The following EXTL3 variants were observed in gnomAD, a reference collection of about 807,000 sequenced individuals.
EXTL3 encodes exostosin-like 3.
A neutral mutation model predicts 69.3 loss-of-function variants in EXTL3; 27 were observed. The ratio of observed to expected loss-of-function variants is 0.39; its 90% CI spans 0.29 to 0.54. EXTL3 has a LOEUF of 0.54. Among genes scored for constraint, EXTL3 ranks in the 20% least tolerant of loss-of-function variants. EXTL3 has a pLI of 0.69. For synonymous variants in EXTL3, 511 were observed against 499.4 expected, an observed-to-expected ratio of 1.02 and a Z score of -0.31; for missense variants, 1,003 against 1,231.8, an observed-to-expected ratio of 0.81 and a Z score of 2.78.
intron 5 of EXTL3, chr8:28,741,306 A>C (rs1563223938): frequency 6.6e-6 from 1 of 152,228 alleles, no homozygotes; most frequent in East Asian, 1.9e-4. Context: ...ATTAAAAGGC[A>C]GTTCTTATTG....
intron 1 of EXTL3, among the ~76,000 whole-genome samples, chr8:28,672,829 C>T (rs1807318510): frequency 6.6e-6 from 1 of 152,182 alleles, no homozygotes; most frequent in Non-Finnish European, 1.5e-5. Context: ...ATCCAAATCT[C>T]ATCTTGAATT....
chr8:28,695,271 G>A (rs1800669202), intron 1 of EXTL3, among the ~76,000 whole-genome samples: 1 of 151,864 alleles, frequency 6.6e-6, no homozygotes, highest in Admixed American at 6.6e-5. Context: ...TGGGATTACA[G>A]GCACCCACCA....
chr8:28,715,426 AAAC>A (rs1563213992), intron 2 of EXTL3, among the ~76,000 whole-genome samples, 156 bp from the exon 3 acceptor site: 1 of 152,236 alleles, frequency 6.6e-6, no homozygotes, highest in African/African-American at 2.4e-5. Flanking sequence ...ACCAAACAGC[AAAC>A]AACATCTCTG....
chr8:28,643,426 C>CTTTTTTTTTT (rs138680672), intron 1 of EXTL3, among the ~76,000 whole-genome samples: 42,906 of 143,086 alleles, frequency 0.3, 7,097 homozygotes, highest in African/African-American at 0.39. Context: ...TTCTTTTTTT[C>CTTTTTTTTTT]TTTTTTGAGA....
At chr8:28,626,525 T>C (rs921135472) in intron 1 of EXTL3, among the ~76,000 whole-genome samples, 8 of 152,208 alleles carry the variant, frequency 5.3e-5, no homozygotes, top group Non-Finnish European at 1.0e-4. Context: ...TCAGCTTTCT[T>C]AGACATGATT....
In EXTL3 at chr8:28,635,045, G is replaced by A. The variant is rs190232675; in HGVS notation, c.-53+12235G>A. Among the ~76,000 whole-genome samples the A allele has an allele frequency of 4.6e-5, 7 of 152,158 alleles. No individual in the cohort carries two copies. In the East Asian group the frequency reaches 1.4e-3, roughly 29 times the overall value. ...CTCCTGGACCATGGTAACCTGGAGT[G>A]TGTGAAGGCTGTAAATGAGGATGAG... is the stretch of plus-strand genomic sequence containing the variant. On this transcript the variant is annotated intron_variant, in intron 1 of 6. Transcript: ENST00000523149.
intron 1 of EXTL3, among the ~76,000 whole-genome samples, chr8:28,702,957 CAG>C (rs1325281591): frequency 7.2e-5 from 11 of 152,326 alleles, no homozygotes; most frequent in Admixed American, 2.0e-4. Context: ...CTGCGGGGCA[CAG>C]AGTCTGGAGC....
rs1422298192 is a variant in EXTL3, at chr8:28,610,462, C to T, written n.314+2704C>T. Among the ~76,000 whole-genome samples the T allele has an allele frequency of 2.6e-5, 4 of 152,244 alleles. No individual in the cohort carries two copies. The East Asian group carries it at 5.8e-4, about 22-fold the overall frequency. ...TGACCTAGTCCTGGCAAATACACTA[C>T]CTGTGGTTGTCATTTGGACCAGAGG... On this transcript the variant is annotated intron_variant and non_coding_transcript_variant, in intron 2 of 4. Coordinates refer to the EXTL3 transcript ENST00000522725.
intron 1 of EXTL3, among the ~76,000 whole-genome samples, chr8:28,642,698 C>T (rs1436348149): frequency 6.6e-6 from 1 of 152,032 alleles, no homozygotes; most frequent in Non-Finnish European, 1.5e-5. Context: ...TTGACCTATT[C>T]CAAAAGGAAA....
chr8:28,668,186 G>A (rs576754928), intron 1 of EXTL3, among the ~76,000 whole-genome samples: 123 of 149,558 alleles, frequency 8.2e-4, no homozygotes, highest in African/African-American at 2.9e-3. Context: ...AGGATTGCTC[G>A]AGCCCAGGAG....
Position 28,717,191 on chromosome 8 carries a change from C to G in EXTL3, c.1132C>G (p.Arg378Gly), listed in dbSNP as rs138851422. ...EGDPPADYDD[R>G]IIATLKAVQD... ...CGACCCTCCCGCCGACTACGATGAC[C>G]GGATCATTGCCACCCTGAAGGCGGT... Residue 378 changes from arginine to glycine, a missense_variant, in exon 3 of 7, where the codon CGG (arginine) becomes GGG (glycine). Transcript: ENST00000220562. This position sits in a 1 kb window ranked among gnomAD's most constrained non-coding sequence, Gnocchi z 8.3. 6.2e-7 allele frequency: 1 copy of G among 1,614,232 alleles called. No homozygotes were observed.
At chr8:28,722,292 T>C (rs1801306991) in intron 3 of EXTL3, among the ~76,000 whole-genome samples, 1 of 152,182 alleles carries the variant, frequency 6.6e-6, no homozygotes, top group African/African-American at 2.4e-5. Flanking sequence ...TTGGAGGGTG[T>C]TGAGCAGAGG....
intron 1 of EXTL3, among the ~76,000 whole-genome samples, chr8:28,632,914 G>A (rs752448848): frequency 2.0e-4 from 30 of 152,002 alleles, no homozygotes; most frequent in African/African-American, 7.0e-4. Flanking sequence ...GAAGATGCTC[G>A]GCAGATGGTA....
At chr8:28,616,351 C>T (rs1490215378) in intron 2 of EXTL3, among the ~76,000 whole-genome samples, 1 of 152,146 alleles carries the variant, frequency 6.6e-6, no homozygotes, top group Non-Finnish European at 1.5e-5. Context: ...ACGTTCCAGG[C>T]ACAGTGGCTC....
At position 28,713,438 on chromosome 8, in the gene EXTL3, G is replaced by GTTT; in HGVS notation, c.-569-10_-569-8dup. The stretch of plus-strand genomic sequence containing the variant: ...TGTCACTGTTCTATTTTTGTTTTTT[G>GTTT]TTTTTTTTTTTAAATCAGGAGAGCA... On this transcript the variant is annotated intron_variant, in intron 1 of 6. Transcript: ENST00000220562. 3 of 519,134 alleles carry GTTT rather than the reference G, an allele frequency of 5.8e-6. No homozygotes were observed. The highest frequency in any genetic ancestry group is 6.0e-5 in the Admixed American group (2 of 33,380). The allele number at this position is 519,134 out of a possible 1,614,324, so 32.2% of individuals were successfully genotyped here.
intron 1 of EXTL3, among the ~76,000 whole-genome samples, chr8:28,641,130 A>C (rs1170414096): frequency 6.6e-6 from 1 of 152,238 alleles, no homozygotes; most frequent in Non-Finnish European, 1.5e-5. Flanking sequence ...CATTGCTCAC[A>C]AAGAGCCAGA....
rs762271982 is a variant in EXTL3, at chr8:28,716,851, A to C, written c.792A>C (p.Pro264=). The change falls in exon 3 of 7, where the codon CCA becomes CCC. Residue 264 remains proline, a synonymous_variant. Coordinates refer to ENST00000220562, the MANE Select transcript of EXTL3 (RefSeq NM_001440.4). This position sits in a 1 kb window ranked among gnomAD's most constrained non-coding sequence, Gnocchi z 7.1. ...AELEKQLYSL[P]HWRTDGHNHV... ...TGGAGAAGCAGTTGTATTCCCTGCC[A>C]CACTGGCGGACGGATGGACACAACC... 3.1e-6 allele frequency: 5 copies of C among 1,614,190 alleles called. No individual in the cohort carries two copies. Among genetic ancestry groups the C allele is most frequent in the Non-Finnish European group, 3.4e-6 (4 of 1,180,028 alleles).
At chr8:28,743,008 A>C (rs1268927453) in intron 5 of EXTL3, 78 bp from the exon 6 acceptor site, 1 of 1,544,480 alleles carries the variant, frequency 6.5e-7, no homozygotes, top group African/African-American at 1.4e-5. Flanking sequence ...CAGCCCCTCC[A>C]TCCATGCATA....
intron 1 of EXTL3, among the ~76,000 whole-genome samples, chr8:28,645,224 T>A (rs1364191500): frequency 1.3e-5 from 2 of 152,220 alleles, no homozygotes; most frequent in Admixed American, 6.5e-5. Context: ...TTAAAACAGA[T>A]GTTTGTGCTT....
Sources: gnomAD v4.1 joint callset for allele counts (sites outside exome capture counted in the v4.1 genomes callset) on GRCh38, gnomAD v4.1.1 for gene constraint, Gnocchi (gnomAD v3.1) non-coding constraint, MANE v1.5 for transcripts, NCBI Gene and HGNC (gene_info 2026-07-23, HGNC 2026-07-21) for gene names.